SIGLECL1: variants seen among roughly 807,000 people sequenced by gnomAD.
The protein encoded by SIGLECL1 is SIGLEC family-like protein 1.
A neutral mutation model predicts 19.1 loss-of-function variants in SIGLECL1; 16 were observed. The ratio of observed to expected loss-of-function variants is 0.84; its 90% CI spans 0.57 to 1.27. The LOEUF is 1.27. Ranked by LOEUF, SIGLECL1 falls within the 50% of genes most tolerant of loss-of-function variation. The pLI, the probability that SIGLECL1 is intolerant of heterozygous loss-of-function variation, is 0.00. For missense variants in SIGLECL1, 210 were observed against 239.4 expected (o/e 0.88, Z 0.81); for synonymous variants, 89 against 90.4 (o/e 0.98, Z 0.09).
At chr19:51,260,594 T>G (rs1245195020) in intron 1 of SIGLECL1, among the ~76,000 whole-genome samples, 1 of 152,202 alleles carries the variant, frequency 6.6e-6, no homozygotes, top group Non-Finnish European at 1.5e-5. Context: ...AAAGTATACA[T>G]CTGGGAGTGG....
intron 2 of SIGLECL1, among the ~76,000 whole-genome samples, chr19:51,265,061 G>C (rs1205907013): frequency 6.6e-6 from 1 of 152,212 alleles, no homozygotes; most frequent in Non-Finnish European, 1.5e-5. Flanking sequence ...CAGGTGGGAA[G>C]AAGAGAAGCA....
rs1361413013 is a variant in SIGLECL1, at chr19:51,251,495, G to A, written c.-241G>A. ...GCGTTCCTCAGCCTCCACCACGTCA[G>A]TCACCTGGTCAGCCAGAGGGCAGCT... On this transcript the variant is annotated 5_prime_UTR_variant, in exon 1 of 6. Transcript: ENST00000601727. The A allele has an allele frequency of 6.5e-6, 1 of 153,446 alleles. No homozygotes were observed. The highest frequency in any genetic ancestry group is 1.5e-5 in the Non-Finnish European group (1 of 68,324). 9.5% of individuals were successfully genotyped at this position (153,446 alleles called of 1,614,324 possible). A position where few individuals can be genotyped will look rare whatever the true frequency, so the allele number is the denominator to read the frequency against.
At chr19:51,255,511 T>C (rs114405673) in intron 1 of SIGLECL1, among the ~76,000 whole-genome samples, 6,455 of 152,050 alleles carry the variant, frequency 0.042, 469 homozygotes, top group African/African-American at 0.15. Flanking sequence ...ACCTACAGAA[T>C]GGGAGAAAAT....
At position 51,265,483 on chromosome 19, in the gene SIGLECL1, G is replaced by A; in HGVS notation, c.138G>A (p.Val46=). ...AGTGGTGGATGGGAGGAGTCCCCGT[G>A]GGTGTGGATGGCATGGATGGCAGCC... is the stretch of plus-strand genomic sequence containing the variant. The part of the protein sequence containing the change: ...SVQWWMGGVP[V]GVDGMDGSLQ... The change falls in exon 3 of 6, where the codon GTG becomes GTA. Residue 46 remains valine (V), a synonymous_variant. Transcript: ENST00000601727. 2.5e-6 allele frequency: 4 copies of A among 1,613,828 alleles called. 1 individual carries two copies.
rs367812413 is a variant in SIGLECL1 at position 51,257,532 on chromosome 19, G to A, written c.-191+5987G>A. Among the ~76,000 whole-genome samples, 28 of 152,252 alleles carry A rather than the reference G, an allele frequency of 1.8e-4. 2 individuals carry two copies. Among genetic ancestry groups the A allele is most frequent in the Admixed American group, 9.2e-4 (14 of 15,296 alleles). ...TATTCTGAATTTGACATTTTATTCT[G>A]TGTACTAAGGAACTTAACCTTGCCT... On this transcript the variant is annotated intron_variant, in intron 1 of 5. Transcript: ENST00000601727.
At chr19:51,250,217 G>C (rs530251423), upstream of SIGLECL1, among the ~76,000 whole-genome samples, 2 of 152,186 alleles carry the variant, frequency 1.3e-5, no homozygotes, top group East Asian at 3.9e-4. Flanking sequence ...CTCCCAAGTA[G>C]CTGGGGTTAC....
upstream of SIGLECL1, among the ~76,000 whole-genome samples, chr19:51,247,587 T>G (rs1337193313): frequency 6.6e-6 from 1 of 152,068 alleles, no homozygotes; most frequent in Non-Finnish European, 1.5e-5. Context: ...TCCAGCTAAT[T>G]TTTGTATTTT....
At chr19:51,256,436 A>G (rs1501447) in intron 1 of SIGLECL1, among the ~76,000 whole-genome samples, 23,882 of 152,224 alleles carry the variant, frequency 0.16, 2,815 homozygotes, top group East Asian at 0.32. Flanking sequence ...CAAGTACTGC[A>G]TGATCTCACT....
chr19:51,265,723 T>C, intron 3 of SIGLECL1, 54 bp from the exon 4 acceptor site: 16 of 1,613,480 alleles, frequency 9.9e-6, no homozygotes, highest in Non-Finnish European at 1.4e-5. Flanking sequence ...GGCTAGAGAA[T>C]GGAGCAGAGT....
At chr19:51,262,872 CTATG>C (rs140962847) in intron 1 of SIGLECL1, among the ~76,000 whole-genome samples, 10 of 151,850 alleles carry the variant, frequency 6.6e-5, no homozygotes, top group Admixed American at 3.3e-4. Flanking sequence ...CTATGAATTA[CTATG>C]TATGTATGTA....
At chr19:51,254,268 G>A (rs550653301) in intron 1 of SIGLECL1, among the ~76,000 whole-genome samples, 2 of 151,720 alleles carry the variant, frequency 1.3e-5, no homozygotes, top group East Asian at 1.9e-4. Flanking sequence ...GTTCGAGGCT[G>A]TAGATAGCTG....
chr19:51,266,536 A>C (rs1013745095), intron 4 of SIGLECL1, among the ~76,000 whole-genome samples: 14 of 152,092 alleles, frequency 9.2e-5, no homozygotes, highest in Admixed American at 5.9e-4. Flanking sequence ...AAAAAATTGA[A>C]ATCTGAAACA....
upstream of SIGLECL1, among the ~76,000 whole-genome samples, chr19:51,246,748 G>A (rs555967414): frequency 3.3e-5 from 5 of 152,082 alleles, no homozygotes; most frequent in East Asian, 1.9e-4. Context: ...TTTATTGGGG[G>A]GTCTGAAGAA....
intron 1 of SIGLECL1, among the ~76,000 whole-genome samples, chr19:51,258,097 G>C (rs62115997): frequency 0.018 from 2,681 of 152,274 alleles, 37 homozygotes; most frequent in Non-Finnish European, 0.028. Context: ...GTAATCACGA[G>C]TATAACAGCT....
chr19:51,248,575 C>G (rs1982339161), upstream of SIGLECL1, among the ~76,000 whole-genome samples: 2 of 152,086 alleles, frequency 1.3e-5, no homozygotes, highest in Non-Finnish European at 2.9e-5. Context: ...CCAAGAACAT[C>G]AAAAGGAAGA....
chr19:51,257,750 A>T (rs1982910252), intron 1 of SIGLECL1: 1 of 152,218 alleles, frequency 6.6e-6, no homozygotes, highest in Admixed American at 6.5e-5. Context: ...AAGCAATACC[A>T]GATAGTCTAA....
chr19:51,255,469 G>T (rs1195523931), intron 1 of SIGLECL1, among the ~76,000 whole-genome samples: 1 of 152,228 alleles, frequency 6.6e-6, no homozygotes, highest in South Asian at 2.1e-4. Context: ...TTTCTGAACA[G>T]CAAAGGAAAC....
chr19:51,259,004 G>T (rs1010458904), intron 1 of SIGLECL1, among the ~76,000 whole-genome samples: 1 of 152,100 alleles, frequency 6.6e-6, no homozygotes, highest in Non-Finnish European at 1.5e-5. Flanking sequence ...ATCTAATCAA[G>T]ATAAATGACA....
rs1983863222 is a variant in SIGLECL1, at chr19:51,268,869, C to A, written c.*272C>A. ...GCTAAATGAGAAGAAATCTGTGCCA[C>A]CCTGGGAAGGTGTCAAAAGAAGGAA... On this transcript the variant is annotated 3_prime_UTR_variant, in exon 6 of 6. Transcript: ENST00000601727. The A allele has an allele frequency of 4.9e-6, 2 of 407,242 alleles. No individual in the cohort carries two copies. The highest frequency in any genetic ancestry group is 9.4e-5 in the South Asian group (2 of 21,182). The allele number at this position is 407,242 out of a possible 1,614,324, so 25.2% of individuals were successfully genotyped here.
Sources: gnomAD v4.1 joint callset for allele counts (sites outside exome capture counted in the v4.1 genomes callset) on GRCh38, gnomAD v4.1.1 for gene constraint, MANE v1.5 for transcripts, NCBI Gene and HGNC (gene_info 2026-07-23, HGNC 2026-07-21) for gene names.